The following BCL11A variants were observed in gnomAD, a reference collection of about 807,000 sequenced individuals.
BCL11A encodes the protein B cell CLL/lymphoma 11A.
Under a neutral mutation model 55.9 loss-of-function variants are expected in BCL11A, and 2 were observed. The ratio of observed to expected loss-of-function variants is 0.04; its 90% CI spans 0.01 to 0.11. The LOEUF (loss-of-function observed/expected upper bound fraction) is 0.11, where lower values mean the gene tolerates loss of function less well. Ranked by LOEUF, BCL11A falls within the 10% of genes least tolerant of loss-of-function variation. The pLI is 1.00. For missense variants in BCL11A, 817 were observed against 1,137.1 expected (o/e 0.72, Z 4.05); for synonymous variants, 465 against 473.4 (o/e 0.98, Z 0.23).
At chr2:60,496,327 G>T (rs1484648261) in intron 2 of BCL11A, among the ~76,000 whole-genome samples, 1 of 152,210 alleles carries the variant, frequency 6.6e-6, no homozygotes, top group Non-Finnish European at 1.5e-5. Flanking sequence ...TGGTGTTACT[G>T]AGGGGCAAAG....
At chr2:60,491,426 A>G (rs1236111228) in intron 2 of BCL11A, among the ~76,000 whole-genome samples, 1 of 152,168 alleles carries the variant, frequency 6.6e-6, no homozygotes, top group Non-Finnish European at 1.5e-5. Context: ...TAATCCCAGC[A>G]CTTTGGGAGG....
chr2:60,456,606 T>C (rs537259842), downstream of BCL11A, among the ~76,000 whole-genome samples: 35 of 152,260 alleles, frequency 2.3e-4, no homozygotes, highest in Non-Finnish European at 4.0e-4. Context: ...TTTTCTTTCG[T>C]CTCTCTCTTT....
chr2:60,467,924 GTGGTAGTGA>G (rs1395820886), intron 3 of BCL11A, among the ~76,000 whole-genome samples: 85 of 132,186 alleles, frequency 6.4e-4, no homozygotes, highest in East Asian at 1.2e-3. Context: ...GGTGGTGGTG[GTGGTAGTGA>G]TGGTGGTGGT....
intron 2 of BCL11A, chr2:60,484,210 T>G (rs1678134745): frequency 6.6e-6 from 1 of 152,332 alleles, no homozygotes; most frequent in Non-Finnish European, 1.5e-5. Flanking sequence ...TCACCACGGC[T>G]GCTTCACAGG....
At chr2:60,490,940 TAA>T (rs35262352) in intron 2 of BCL11A, among the ~76,000 whole-genome samples, 26 of 142,748 alleles carry the variant, frequency 1.8e-4, no homozygotes, top group Non-Finnish European at 2.5e-4. Flanking sequence ...AACTTTCAGA[TAA>T]AAAAAAAAAA....
intron 2 of BCL11A, among the ~76,000 whole-genome samples, chr2:60,540,069 T>C (rs556814751): frequency 6.6e-6 from 1 of 152,336 alleles, no homozygotes; most frequent in Non-Finnish European, 1.5e-5. Flanking sequence ...GTCATCCAAA[T>C]TGATACATAA....
chr2:60,475,321 C>A (rs1176842764), intron 2 of BCL11A, among the ~76,000 whole-genome samples: 1 of 152,212 alleles, frequency 6.6e-6, no homozygotes, highest in Non-Finnish European at 1.5e-5. Context: ...TGTGAAACTC[C>A]ATGAAGGTTC....
intron 1 of BCL11A, among the ~76,000 whole-genome samples, chr2:60,551,936 G>A (rs2104793094): frequency 6.6e-6 from 1 of 152,210 alleles, no homozygotes; most frequent in African/African-American, 2.4e-5. Flanking sequence ...CACACGCGGT[G>A]CTTGTAAACA....
rs1676319816 is a variant in BCL11A at position 60,461,884 on chromosome 2, A to T, written c.1028T>A (p.Leu343Gln). ...PGRPSPMQRL[L>Q]QPFQPGSKPP... ...CTTGCTACCTGGCTGGAATGGTTGC[A>T]GTAACCTTTGCATAGGGCTGGGCCG... is the stretch of plus-strand genomic sequence containing the variant. The change falls in exon 4 of 4, where the codon CTG becomes CAG. Residue 343 changes from leucine (L) to glutamine (Q), a missense_variant. This residue lies in a region of BCL11A where 363 missense variants were observed against 486.6 expected (regional missense o/e 0.75). Coordinates refer to ENST00000642384, the MANE Select transcript of BCL11A (RefSeq NM_022893.4). The T allele has an allele frequency of 6.2e-7, 1 of 1,613,954 alleles. No homozygotes were observed. Among genetic ancestry groups the T allele is most frequent in the Non-Finnish European group, 8.5e-7 (1 of 1,179,950 alleles).
At position 60,461,349 on chromosome 2, in the gene BCL11A, C is replaced by T. The variant is rs61754123; in HGVS notation, c.1563G>A (p.Ala521=). Residue 521 remains alanine, a synonymous_variant, in exon 4 of 4, where the codon GCG becomes GCA. Transcript: ENST00000642384. ...VDYGFGLSLE[A]ARHHENSSRG... ...GCGAGCTGTTCTCGTGGTGGCGCGC[C>T]GCCTCCAGGCTCAGCCCGAAGCCGT... 1.7e-4 allele frequency: 280 copies of T among 1,603,544 alleles called. 3 individuals are homozygous for T. The South Asian group carries it at 2.8e-3, about 16-fold the overall frequency.
At chr2:60,467,252 A>G (rs1470752660) in intron 3 of BCL11A, among the ~76,000 whole-genome samples, 29 of 27,200 alleles carry the variant, frequency 1.1e-3, no homozygotes, top group East Asian at 2.0e-3. Context: ...GGTGGTGGTA[A>G]TGGTGGTGGT....
intron 2 of BCL11A, among the ~76,000 whole-genome samples, chr2:60,510,932 G>C (rs564839650): frequency 1.3e-5 from 2 of 152,356 alleles, no homozygotes; most frequent in East Asian, 1.9e-4. Context: ...ACAGGAGCCA[G>C]TTAAAACCAA....
Position 60,460,699 on chromosome 2 carries a change from C to T in BCL11A, c.2213G>A (p.Gly738Asp). The T allele has an allele frequency of 6.2e-7, 1 of 1,614,204 alleles. No individual in the cohort carries two copies. Among genetic ancestry groups the T allele is most frequent in the Non-Finnish European group, 8.5e-7 (1 of 1,180,042 alleles). ...GTACTCACAAGTGTCGCTGCGTCTG[C>T]CCTCTTTTGAGCTGGGCCTGCCCGG... ...PGPGRPSSKE[G>D]RRSDTCEYCG... Residue 738 changes from glycine (G) to aspartate (D), a missense_variant, in exon 4 of 4, where the codon GGC becomes GAC. Coordinates refer to ENST00000642384, the MANE Select transcript of BCL11A (RefSeq NM_022893.4).
chr2:60,551,792 G>A (rs954870223), intron 1 of BCL11A, among the ~76,000 whole-genome samples: 2 of 150,476 alleles, frequency 1.3e-5, no homozygotes, highest in Admixed American at 6.6e-5. Context: ...GGCGCCGGGT[G>A]GGCGATCCGG....
chr2:60,460,168 G>GAAA lies in BCL11A; in HGVS notation c.*233_*235dup, dbSNP rs35238724. The GAAA allele has an allele frequency of 8.3e-6, 9 of 1,088,186 alleles. No homozygotes were observed. The highest frequency in any genetic ancestry group is 5.4e-5 in the Admixed American group (1 of 18,626). 67.4% of individuals were successfully genotyped at this position (1,088,186 alleles called of 1,614,324 possible). ...GCATTCAAACGGTGAGAACATAAAG[G>GAAA]AAAAAAAAAAAAAAGGAAAAAGAAA... On this transcript the variant is annotated 3_prime_UTR_variant, in exon 4 of 4. Transcript: ENST00000642384.
At chr2:60,532,741 G>A (rs538073121) in intron 2 of BCL11A, 104 of 152,122 alleles carry the variant, frequency 6.8e-4, no homozygotes, top group African/African-American at 2.3e-3. Context: ...TAAGTACTTC[G>A]AAAAACAGTA....
intron 3 of BCL11A, among the ~76,000 whole-genome samples, chr2:60,465,759 TAAAAGCCCTCTGTA>T (rs1676566553): frequency 6.6e-6 from 1 of 152,172 alleles, no homozygotes; most frequent in African/African-American, 2.4e-5. Context: ...CAGAAGTATA[TAAAAGCCCTCTGTA>T]AACTATCAGG....
chr2:60,461,146 G>A lies in BCL11A; in HGVS notation c.1766C>T (p.Ser589Leu), dbSNP rs139460584. ...TATGCGGTCCGACTCGCCGGCCACC[G>A]AGTCTTCGTCGCAAGTGTCCCTGTG... ...EGHRDTCDED[S>L]VAGESDRIDD... The change falls in exon 4 of 4, where the codon TCG becomes TTG. Residue 589 changes from serine (S) to leucine (L), a missense_variant. By Grantham distance (145) the Ser-to-Leu change is moderately radical (BLOSUM62 -2). Coordinates refer to ENST00000642384, the MANE Select transcript of BCL11A (RefSeq NM_022893.4). The A allele has an allele frequency of 1.6e-5, 26 of 1,611,946 alleles. No individual in the cohort carries two copies. The highest frequency in any genetic ancestry group is 2.0e-5 in the Non-Finnish European group (24 of 1,179,628).
chr2:60,529,050 C>T (rs549605643), intron 2 of BCL11A, among the ~76,000 whole-genome samples: 4 of 152,182 alleles, frequency 2.6e-5, no homozygotes, highest in Non-Finnish European at 2.9e-5. Context: ...AGGCAACACA[C>T]GTCTATGGGG....
Sources: gnomAD v4.1 joint callset for allele counts (sites outside exome capture counted in the v4.1 genomes callset) on GRCh38, gnomAD v4.1.1 for gene constraint, gnomAD v4.1.1 regional missense constraint, MANE v1.5 for transcripts, NCBI Gene and HGNC (gene_info 2026-07-23, HGNC 2026-07-21) for gene names.